COL15A1: variants seen among roughly 807,000 people sequenced by gnomAD.
The protein encoded by COL15A1 is collagen alpha-1(XV) chain.
In COL15A1, 111 loss-of-function variants were observed where a neutral mutation model predicts 165.9. The ratio of observed to expected loss-of-function variants is 0.67; its 90% confidence interval spans 0.57 to 0.78. The LOEUF (loss-of-function observed/expected upper bound fraction) is 0.78, where lower values mean the gene tolerates loss of function less well. Ranked by LOEUF, COL15A1 falls within the 30% of genes least tolerant of loss-of-function variation. The pLI, the probability that COL15A1 is intolerant of heterozygous loss-of-function variation, is 0.00. For missense variants in COL15A1, 1,745 were observed against 1,789.7 expected, an observed-to-expected ratio of 0.98 and a Z score of 0.45; for synonymous variants, 659 against 674.8, an observed-to-expected ratio of 0.98 and a Z score of 0.36.
chr9:99,021,685 T>C (rs950159174), intron 12 of COL15A1, among the ~76,000 whole-genome samples: 4 of 152,162 alleles, frequency 2.6e-5, no homozygotes, highest in Admixed American at 2.0e-4. Context: ...CTGTGAGCAA[T>C]GATGTTCCTG....
intron 17 of COL15A1, 56 bp from the exon 18 acceptor site, chr9:99,034,958 G>T (rs1315544801): frequency 2.7e-6 from 4 of 1,474,416 alleles, no homozygotes; most frequent in Admixed American, 1.7e-5. Flanking sequence ...CATGCATGTT[G>T]TTCCTTCCAT....
At chr9:98,982,561 G>A (rs1838249527) in intron 2 of COL15A1, among the ~76,000 whole-genome samples, 2 of 152,022 alleles carry the variant, frequency 1.3e-5, no homozygotes, top group African/African-American at 2.4e-5. Flanking sequence ...ATAGAGTTGT[G>A]TCAGGTGACC....
chr9:99,036,056 C>A, intron 19 of COL15A1, 114 bp from the exon 20 acceptor site: 1 of 863,048 alleles, frequency 1.2e-6, no homozygotes, highest in Non-Finnish European at 1.9e-6. Context: ...TTCTTGGTTC[C>A]CATTGCCTGG....
At chr9:98,991,157 A>G (rs1486704416) in intron 5 of COL15A1, among the ~76,000 whole-genome samples, 1 of 152,184 alleles carries the variant, frequency 6.6e-6, no homozygotes, top group Non-Finnish European at 1.5e-5. Flanking sequence ...TAACAGCGAT[A>G]TTTATTGCAA....
At chr9:99,049,453 C>G (rs1459456813) in intron 28 of COL15A1, among the ~76,000 whole-genome samples, 1 of 152,204 alleles carries the variant, frequency 6.6e-6, no homozygotes, top group Non-Finnish European at 1.5e-5. Context: ...GCCTCATTAG[C>G]TGCATGTGTT....
intron 39 of COL15A1, among the ~76,000 whole-genome samples, chr9:99,065,465 G>A (rs1340258531): frequency 1.3e-5 from 2 of 151,856 alleles, no homozygotes; most frequent in African/African-American, 2.4e-5. Context: ...AAAGGGTCAG[G>A]GTGTATATGT....
Position 99,024,985 on chromosome 9 carries a change from G to A in COL15A1, c.1966G>A (p.Glu656Lys), listed in dbSNP as rs1418675642. The A allele has an allele frequency of 1.1e-5, 17 of 1,613,400 alleles. No homozygotes were observed. The highest frequency in any genetic ancestry group is 2.2e-5 in the South Asian group (2 of 90,984). ...GSPGEDGPAG[E>K]PGPPGPEGQP... ...TCCTGGAGAGGATGGACCTGCTGGT[G>A]AACCTGGGCCCCCGGTGAGCAACTG... The change falls in exon 15 of 42, where the codon GAA (glutamate) becomes AAA (lysine). Residue 656 changes from glutamate (E) to lysine (K), a missense_variant. Physicochemically the swap from Glu to Lys is moderately conservative, Grantham distance 56. Transcript: ENST00000375001.
intron 9 of COL15A1, among the ~76,000 whole-genome samples, chr9:99,012,746 C>T (rs2118981651): frequency 8.6e-6 from 1 of 115,698 alleles, no homozygotes; most frequent in South Asian, 3.1e-4. Context: ...GAGTCTCCCT[C>T]TATTGCCCAG....
At position 99,022,128 on chromosome 9, in the gene COL15A1, C is replaced by T. The variant is rs781088519; in HGVS notation, c.1739C>T (p.Pro580Leu). 76 of 1,614,078 alleles carry T rather than the reference C, an allele frequency of 4.7e-5. No homozygotes were observed. The Middle Eastern group carries it at 6.6e-4, about 14-fold the overall frequency. ...GAGGAGCTTCCTGGCCCTCCTGAACCTTCTGGGCCTGTTGGACCCACGGTG... is the reference window on the plus strand; with the variant it reads ...GAGGAGCTTCCTGGCCCTCCTGAACTTTCTGGGCCTGTTGGACCCACGGTG... ...AGEELPGPPEPSGPVGPTAGA... is the reference protein window; with the variant it reads ...AGEELPGPPELSGPVGPTAGA... The change falls in exon 13 of 42, where the codon CCT (proline) becomes CTT (leucine). Residue 580 changes from proline (P) to leucine (L), a missense_variant. By Grantham distance (98) the Pro-to-Leu change is moderately conservative. Transcript: ENST00000375001.
rs751485223 is a variant in COL15A1, at chr9:99,015,942, T to G, written c.1504-34T>G. 3.7e-6 allele frequency: 6 copies of G among 1,605,666 alleles called. No individual in the cohort carries two copies. The South Asian group carries it at 4.5e-5, about 12-fold the overall frequency. Reference sequence around the variant, plus strand: ...CTCCCTGGCAGCCTCATGAGCGAGGTGAGGTGGTGCCTTAATGCTGGTTTT... The same window carrying G: ...CTCCCTGGCAGCCTCATGAGCGAGGGGAGGTGGTGCCTTAATGCTGGTTTT... On this transcript the variant is annotated intron_variant, in intron 10 of 41. Transcript: ENST00000375001.
intron 30 of COL15A1, among the ~76,000 whole-genome samples, chr9:99,051,563 C>G (rs917626519): frequency 6.6e-6 from 1 of 152,182 alleles, no homozygotes; most frequent in Admixed American, 6.5e-5. Flanking sequence ...GAAACTTTAT[C>G]AGCATAGCCT....
At chr9:99,025,797 C>A in intron 15 of COL15A1, 107 bp from the exon 16 acceptor site, 2 of 1,187,882 alleles carry the variant, frequency 1.7e-6, no homozygotes, top group South Asian at 1.3e-5. Flanking sequence ...AGGCCCTGGG[C>A]CCACCAGCCT....
chr9:99,051,386 C>A (rs112647306), intron 30 of COL15A1, among the ~76,000 whole-genome samples: 11 of 152,234 alleles, frequency 7.2e-5, no homozygotes, highest in African/African-American at 2.6e-4. Flanking sequence ...CTTCATATTG[C>A]CTGGCTAGAT....
At position 99,004,920 on chromosome 9, in the gene COL15A1, T is replaced by C. The variant is rs777931154; in HGVS notation, c.1223T>C (p.Leu408Ser). 4 of 1,614,076 alleles carry C rather than the reference T, an allele frequency of 2.5e-6. No homozygotes were observed. In the South Asian group the frequency reaches 4.4e-5, roughly 18 times the overall value. The change falls in exon 9 of 42, where the codon TTA (leucine) becomes TCA (serine). Residue 408 changes from leucine to serine, a missense_variant. Transcript: ENST00000375001. ...CAGGGTCCAGATAATGAAGAGCGTT[T>C]AGCAGCAACAGCAGCAGGGGAGGCC... is the stretch of plus-strand genomic sequence containing the variant. ...VTPGPDNEER[L>S]AATAAGEAEA... is the part of the protein sequence containing the mutation.
intron 7 of COL15A1, 94 bp from the exon 8 acceptor site, chr9:99,003,359 T>C: frequency 2.1e-6 from 2 of 953,530 alleles, no homozygotes; most frequent in Non-Finnish European, 2.9e-6. Context: ...GAAATGCAGG[T>C]GGCTGGAGAA....
intron 9 of COL15A1, among the ~76,000 whole-genome samples, chr9:99,010,769 T>C (rs1838836305): frequency 1.3e-5 from 2 of 152,206 alleles, no homozygotes; most frequent in Non-Finnish European, 2.9e-5. Context: ...ATAACCTTAA[T>C]TAAAAAAAAT....
chr9:98,991,001 G>T (rs144183068), intron 5 of COL15A1, among the ~76,000 whole-genome samples: 1 of 152,048 alleles, frequency 6.6e-6, no homozygotes, highest in Admixed American at 6.6e-5. Context: ...AGACCTTCGC[G>T]GTGAGTGTTA....
intron 2 of COL15A1, among the ~76,000 whole-genome samples, chr9:98,984,493 A>C (rs1838278067): frequency 6.6e-6 from 1 of 152,174 alleles, no homozygotes; most frequent in African/African-American, 2.4e-5. Flanking sequence ...AAATTTGTTA[A>C]TTTCTCTAAG....
At chr9:99,054,136 C>T (rs139460600) in intron 31 of COL15A1, among the ~76,000 whole-genome samples, 246 of 152,298 alleles carry the variant, frequency 1.6e-3, no homozygotes, top group African/African-American at 5.5e-3. Context: ...TTGTCCTGTG[C>T]GGGCACTCTT....
Sources: allele counts gnomAD v4.1 joint callset (sites outside exome capture counted in the v4.1 genomes callset), GRCh38; gene constraint gnomAD v4.1.1; transcripts MANE v1.5; gene names NCBI Gene and HGNC (gene_info 2026-07-23, HGNC 2026-07-21).